GPC6: variants seen among roughly 807,000 people sequenced by gnomAD.
The protein encoded by GPC6 is glypican-6.
GPC6 carries 14 observed loss-of-function variants against 55.2 expected under a neutral mutation model. The ratio of observed to expected loss-of-function variants is 0.25; its 90% CI spans 0.17 to 0.40. GPC6 has a LOEUF of 0.40. GPC6 is among the 10% of genes least tolerant of loss of function. The pLI is 1.00. For missense variants in GPC6, 641 were observed against 708.5 expected (o/e 0.90, Z 1.08); for synonymous variants, 278 against 259.6 (o/e 1.07, Z -0.68).
chr13:93,396,525 G>A (rs1008444288), intron 1 of GPC6, among the ~76,000 whole-genome samples: 97 of 151,632 alleles, frequency 6.4e-4, no homozygotes, highest in African/African-American at 2.3e-3. Context: ...ATCATGCCTG[G>A]GCATGATACT....
chr13:93,613,401 G>A (rs1196125572), intron 2 of GPC6, among the ~76,000 whole-genome samples: 1 of 152,110 alleles, frequency 6.6e-6, no homozygotes, highest in African/African-American at 2.4e-5. Flanking sequence ...AGTCAACAAA[G>A]TCTGAATAGT....
At chr13:94,294,037 A>G (rs533288508) in intron 5 of GPC6, among the ~76,000 whole-genome samples, 1 of 152,328 alleles carries the variant, frequency 6.6e-6, no homozygotes, top group African/African-American at 2.4e-5. Flanking sequence ...AGCCTTCATT[A>G]TTCCACTATC....
At chr13:93,540,815 C>G (rs992412740) in intron 1 of GPC6, among the ~76,000 whole-genome samples, 7 of 152,126 alleles carry the variant, frequency 4.6e-5, no homozygotes, top group African/African-American at 1.7e-4. Context: ...TATCCTTTAA[C>G]AAATCTCCTT....
At chr13:93,330,055 T>C (rs1171569335) in intron 1 of GPC6, among the ~76,000 whole-genome samples, 5 of 152,206 alleles carry the variant, frequency 3.3e-5, no homozygotes, top group South Asian at 2.1e-4. Context: ...AAAGTCAGCA[T>C]AAACATAAAG....
intron 2 of GPC6, among the ~76,000 whole-genome samples, chr13:93,746,873 A>G (rs1884416601): frequency 6.6e-6 from 1 of 152,236 alleles, no homozygotes; most frequent in Non-Finnish European, 1.5e-5. Flanking sequence ...AGGGTTTAAC[A>G]TTCTAAATCC....
intron 4 of GPC6, among the ~76,000 whole-genome samples, chr13:94,179,936 A>G (rs571733314): frequency 3.9e-5 from 6 of 152,204 alleles, no homozygotes; most frequent in African/African-American, 7.2e-5. Context: ...ATTCGTATTC[A>G]AAGAAAAAAA....
rs546430273 is a variant in GPC6, at chr13:93,752,576, A to G, written c.320-77578A>G. ...GGAAAACCACCACAGAATCTAATTG[A>G]TATCTTTGGGAAAGGTTTGATTACT... is the stretch of plus-strand genomic sequence containing the variant. On this transcript the variant is annotated intron_variant, in intron 2 of 8. Coordinates refer to ENST00000377047, the MANE Select transcript of GPC6 (RefSeq NM_005708.5). Among the ~76,000 whole-genome samples, 54 of 152,262 alleles carry G rather than the reference A, an allele frequency of 3.5e-4. 1 individual carries two copies. The highest frequency in any genetic ancestry group is 8.3e-4 in the South Asian group (4 of 4,818).
intron 1 of GPC6, among the ~76,000 whole-genome samples, chr13:93,387,000 A>G (rs1875433177): frequency 1.3e-5 from 2 of 152,162 alleles, no homozygotes; most frequent in African/African-American, 2.4e-5. Context: ...CACGATCTCA[A>G]CTAAATCCGT....
At chr13:94,075,009 C>T (rs1594715803) in intron 4 of GPC6, among the ~76,000 whole-genome samples, 1 of 151,568 alleles carries the variant, frequency 6.6e-6, no homozygotes, top group East Asian at 1.9e-4. Context: ...TACTCCTAGA[C>T]CTTAAATTTT....
At chr13:94,190,308 T>TG (rs1443394101) in intron 4 of GPC6, among the ~76,000 whole-genome samples, 1 of 113,872 alleles carries the variant, frequency 8.8e-6, no homozygotes, top group Non-Finnish European at 1.7e-5. Flanking sequence ...AGCAAGACTC[T>TG]GAAAAAAAAA....
chr13:93,545,509 A>C, intron 2 of GPC6, 88 bp downstream of exon 2: 2 of 1,151,324 alleles, frequency 1.7e-6, no homozygotes, highest in South Asian at 2.5e-5. Flanking sequence ...TTTTTTAAAA[A>C]GGGAGCTTTT....
chr13:94,387,198 C>G (rs1046531576), intron 7 of GPC6, among the ~76,000 whole-genome samples: 1 of 152,048 alleles, frequency 6.6e-6, no homozygotes, highest in Non-Finnish European at 1.5e-5. Context: ...CCACTTTCAT[C>G]CCCCTGCTCC....
chr13:94,014,333 T>C (rs1354414568), intron 3 of GPC6, among the ~76,000 whole-genome samples: 1 of 152,222 alleles, frequency 6.6e-6, no homozygotes, highest in Non-Finnish European at 1.5e-5. Flanking sequence ...TTTGGCATCA[T>C]GTAATTCAGG....
chr13:93,238,521 C>G (rs1413067560), intron 1 of GPC6, among the ~76,000 whole-genome samples: 1 of 140,286 alleles, frequency 7.1e-6, no homozygotes, highest in Non-Finnish European at 1.6e-5. Flanking sequence ...ATATCATTGG[C>G]AAACATAGTT....
At chr13:93,899,407 G>C (rs1485868308) in intron 3 of GPC6, among the ~76,000 whole-genome samples, 1 of 151,072 alleles carries the variant, frequency 6.6e-6, no homozygotes, top group African/African-American at 2.4e-5. Flanking sequence ...CTTAAGCAGA[G>C]TCTTGAAGGA....
At chr13:93,505,939 T>C (rs533087041) in intron 1 of GPC6, among the ~76,000 whole-genome samples, 4 of 152,332 alleles carry the variant, frequency 2.6e-5, no homozygotes, top group Admixed American at 6.5e-5. Context: ...GTATCTATTA[T>C]AAAATAGACT....
At chr13:93,863,195 G>A (rs140524767) in intron 3 of GPC6, among the ~76,000 whole-genome samples, 104 of 151,762 alleles carry the variant, frequency 6.9e-4, no homozygotes, top group African/African-American at 2.4e-3. Flanking sequence ...ACTACAGCCT[G>A]AAGACCAAAG....
intron 1 of GPC6, among the ~76,000 whole-genome samples, chr13:93,232,433 A>G (rs1435706867): frequency 1.3e-5 from 2 of 152,168 alleles, no homozygotes; most frequent in Non-Finnish European, 2.9e-5. Flanking sequence ...TTGGGCTATT[A>G]GAAGCGTCAC....
intron 6 of GPC6, among the ~76,000 whole-genome samples, chr13:94,354,457 A>G (rs1243875831): frequency 6.6e-6 from 1 of 152,176 alleles, no homozygotes; most frequent in Admixed American, 6.5e-5. Flanking sequence ...AGATACTGAT[A>G]AAATAAAGTG....
Sources: gnomAD v4.1 joint callset for allele counts (sites outside exome capture counted in the v4.1 genomes callset) on GRCh38, gnomAD v4.1.1 for gene constraint, MANE v1.5 for transcripts, NCBI Gene and HGNC (gene_info 2026-07-23, HGNC 2026-07-21) for gene names.